The following SLC16A7 variants were observed in gnomAD, a reference collection of about 807,000 sequenced individuals.
SLC16A7 encodes the protein solute carrier family 16 member 7.
In SLC16A7, 33 loss-of-function variants were observed where a neutral mutation model predicts 34.9. The ratio of observed to expected loss-of-function variants is 0.94; its 90% CI spans 0.72 to 1.26. SLC16A7 has a LOEUF of 1.26. Ranked by LOEUF, SLC16A7 falls within the 50% of genes most tolerant of loss-of-function variation. SLC16A7 has a pLI of 0.00. For synonymous variants in SLC16A7, 201 were observed against 206.6 expected, an observed-to-expected ratio of 0.97 and a Z score of 0.23; for missense variants, 573 against 578.1, an observed-to-expected ratio of 0.99 and a Z score of 0.09.
At chr12:59,607,036 G>A (rs955332477) in intron 1 of SLC16A7, among the ~76,000 whole-genome samples, 2 of 152,092 alleles carry the variant, frequency 1.3e-5, no homozygotes, top group African/African-American at 2.4e-5. Flanking sequence ...AAGTGTTTTT[G>A]GAATATATCC....
chr12:59,741,483 A>T (rs1295328515), intron 3 of SLC16A7, among the ~76,000 whole-genome samples: 1 of 152,196 alleles, frequency 6.6e-6, no homozygotes, highest in Non-Finnish European at 1.5e-5. Flanking sequence ...GTAGATGCTC[A>T]TTAAAAATAG....
At chr12:59,776,719 C>T (rs758249025) in intron 5 of SLC16A7, among the ~76,000 whole-genome samples, 17 of 151,704 alleles carry the variant, frequency 1.1e-4, no homozygotes, top group Non-Finnish European at 1.2e-4. Flanking sequence ...ATGTATCAGT[C>T]GGCTCTAAGA....
intron 1 of SLC16A7, among the ~76,000 whole-genome samples, chr12:59,645,843 G>C (rs1019521154): frequency 1.2e-4 from 18 of 152,056 alleles, no homozygotes; most frequent in Non-Finnish European, 1.0e-4. Flanking sequence ...ATAGTAATAG[G>C]GACAATGAAG....
chr12:59,755,544 T>A (rs1338345088), intron 3 of SLC16A7, among the ~76,000 whole-genome samples: 1 of 152,138 alleles, frequency 6.6e-6, no homozygotes, highest in Non-Finnish European at 1.5e-5. Flanking sequence ...GAATCCACCT[T>A]ACAAGGGATG....
intron 2 of SLC16A7, among the ~76,000 whole-genome samples, chr12:59,681,789 A>G (rs1870767588): frequency 6.6e-6 from 1 of 152,144 alleles, no homozygotes; most frequent in Admixed American, 6.5e-5. Context: ...TGAGAGGGTC[A>G]GCTGTGGGCA....
At chr12:59,696,207 T>C (rs184053121) in intron 2 of SLC16A7, among the ~76,000 whole-genome samples, 2 of 152,046 alleles carry the variant, frequency 1.3e-5, no homozygotes, top group East Asian at 1.9e-4. Context: ...TTTAATTTTT[T>C]CTCATGCGCA....
intron 2 of SLC16A7, among the ~76,000 whole-genome samples, chr12:59,684,891 G>C (rs1871033276): frequency 6.6e-6 from 1 of 151,988 alleles, no homozygotes; most frequent in African/African-American, 2.4e-5. Flanking sequence ...AGGCAAAGGG[G>C]GAAGAAAAAT....
chr12:59,636,220 T>C (rs1464232971), intron 1 of SLC16A7, among the ~76,000 whole-genome samples: 1 of 152,064 alleles, frequency 6.6e-6, no homozygotes, highest in Admixed American at 6.6e-5. Flanking sequence ...ATAAGAACAC[T>C]TTCTGTTTCC....
chr12:59,659,775 T>A (rs929605402), intron 2 of SLC16A7, among the ~76,000 whole-genome samples: 2 of 152,106 alleles, frequency 1.3e-5, no homozygotes, highest in African/African-American at 4.8e-5. Context: ...CAGATCAGAA[T>A]CTGTCTCCTC....
intron 2 of SLC16A7, among the ~76,000 whole-genome samples, chr12:59,667,458 C>G (rs1211299722): frequency 6.6e-6 from 1 of 152,218 alleles, no homozygotes; most frequent in East Asian, 1.9e-4. Context: ...AGATGAGGAA[C>G]TTGTTGGGAA....
intron 3 of SLC16A7, chr12:59,763,994 G>A (rs1256788267): frequency 6.6e-6 from 1 of 152,050 alleles, no homozygotes; most frequent in Non-Finnish European, 1.5e-5. Context: ...ATTGAAATTA[G>A]GCCACTTAAT....
intron 2 of SLC16A7, among the ~76,000 whole-genome samples, chr12:59,701,857 A>C (rs1872924225): frequency 1.3e-5 from 2 of 151,840 alleles, no homozygotes; most frequent in Admixed American, 1.3e-4. Context: ...TAAATAATCC[A>C]GTTGTATTTC....
chr12:59,677,884 T>C (rs545333485), intron 2 of SLC16A7, among the ~76,000 whole-genome samples: 1 of 152,308 alleles, frequency 6.6e-6, no homozygotes, highest in South Asian at 2.1e-4. Flanking sequence ...GATCCTTGGG[T>C]GTCACTTCAC....
rs1204189524 is a variant in SLC16A7, at chr12:59,691,356, CA to C, written c.-30-13408del. Among the ~76,000 whole-genome samples the C allele has an allele frequency of 8.6e-5, 13 of 151,596 alleles. No individual in the cohort carries two copies. In the South Asian group the frequency reaches 2.3e-3, roughly 27 times the overall value. ...GAAGAGGGGGTTCTTGAGTTGTTTA[CA>C]AAAAAAATTACATTAAAATAACATC... On this transcript the variant is annotated intron_variant, in intron 2 of 5. Transcript: ENST00000547379.
chr12:59,654,290 AATT>A (rs1237085963), intron 1 of SLC16A7, among the ~76,000 whole-genome samples: 7 of 151,258 alleles, frequency 4.6e-5, no homozygotes, highest in Admixed American at 2.0e-4. Context: ...TATTAATAAC[AATT>A]ATTATAATCA....
At chr12:59,705,912 C>T (rs1042410342) in intron 3 of SLC16A7, among the ~76,000 whole-genome samples, 4 of 151,980 alleles carry the variant, frequency 2.6e-5, no homozygotes, top group Non-Finnish European at 5.9e-5. Flanking sequence ...GGCTCTTAGT[C>T]ATGAAAATAT....
At chr12:59,690,317 A>G (rs1475796421) in intron 2 of SLC16A7, among the ~76,000 whole-genome samples, 1 of 151,994 alleles carries the variant, frequency 6.6e-6, no homozygotes, top group Non-Finnish European at 1.5e-5. Context: ...TTCCTATGTA[A>G]GGGAAGAAAA....
At chr12:59,699,304 A>C (rs1872630210) in intron 2 of SLC16A7, among the ~76,000 whole-genome samples, 1 of 151,744 alleles carries the variant, frequency 6.6e-6, no homozygotes, top group South Asian at 2.1e-4. Flanking sequence ...CTAGTAAAAT[A>C]AAAGAACTGA....
At chr12:59,606,636 G>T (rs920393515) in intron 1 of SLC16A7, among the ~76,000 whole-genome samples, 4 of 152,156 alleles carry the variant, frequency 2.6e-5, no homozygotes, top group African/African-American at 9.7e-5. Context: ...CTCAGCCGAT[G>T]TTTCAGTGCA....
Sources: allele counts gnomAD v4.1 joint callset (sites outside exome capture counted in the v4.1 genomes callset), GRCh38; gene constraint gnomAD v4.1.1; transcripts MANE v1.5; gene names NCBI Gene and HGNC (gene_info 2026-07-23, HGNC 2026-07-21).